Variants in LRP2 observed in about 807,000 individuals in gnomAD.
LRP2 encodes low-density lipoprotein receptor-related protein 2.
Under a neutral mutation model 531.0 loss-of-function variants are expected in LRP2, and 172 were observed. The ratio of observed to expected loss-of-function variants is 0.32; its 90% confidence interval spans 0.29 to 0.37. The LOEUF is 0.37. Among genes scored for constraint, LRP2 ranks in the 10% least tolerant of loss-of-function variants. LRP2 has a pLI of 1.00. For missense variants in LRP2, 5,167 were observed against 5,868.3 expected, an observed-to-expected ratio of 0.88 and a Z score of 3.90; for synonymous variants, 1,992 against 2,027.6, an observed-to-expected ratio of 0.98 and a Z score of 0.47.
In LRP2 at chr2:169,142,016, G is replaced by A. The variant is rs997614986; in HGVS notation, c.13108+658C>T. ...CCCCATCAGCTAAAACTGGGGGAAG[G>A]CCCCAAGGATGTGAGCCATAAAATG... On this transcript the variant is annotated intron_variant, in intron 71 of 78. Coordinates refer to ENST00000649046, the MANE Select transcript of LRP2 (RefSeq NM_004525.3). 3.9e-5 allele frequency among the ~76,000 whole-genome samples: 6 copies of A among 152,260 alleles called. 1 individual carries two copies. The Middle Eastern group carries it at 0.01, about 259-fold the overall frequency.
At chr2:169,302,253 CTAAG>C (rs1414921355) in intron 4 of LRP2, among the ~76,000 whole-genome samples, 1 of 152,136 alleles carries the variant, frequency 6.6e-6, no homozygotes, top group Non-Finnish European at 1.5e-5. Flanking sequence ...TTTAAAATAA[CTAAG>C]TACTGCTATG....
intron 17 of LRP2, among the ~76,000 whole-genome samples, chr2:169,257,863 A>G (rs1291440343): frequency 1.2e-4 from 18 of 151,794 alleles, no homozygotes; most frequent in Non-Finnish European, 1.6e-4. Context: ...AGAAAATAAA[A>G]AAACAACTTT....
intron 21 of LRP2, among the ~76,000 whole-genome samples, chr2:169,246,054 G>A (rs1242466034): frequency 1.3e-5 from 2 of 152,080 alleles, no homozygotes; most frequent in African/African-American, 4.8e-5. Flanking sequence ...AATTAGCTGG[G>A]TGTGGTGGCA....
rs755113602 is a variant in LRP2, at chr2:169,279,464, T to A, written c.1473A>T (p.Ile491=). The A allele has an allele frequency of 1.2e-6, 2 of 1,614,038 alleles. No individual in the cohort carries two copies. Among genetic ancestry groups the A allele is most frequent in the Non-Finnish European group, 1.7e-6 (2 of 1,179,928 alleles). ...IYLVETKVNR[I]DMVNLDGSYR... ...AGCTTCCATCCAAATTTACCATATC[T>A]ATGCGGTTGACCTTGGTTTCCACTA... The change falls in exon 12 of 79, where the codon ATA becomes ATT. Residue 491 remains isoleucine, a synonymous_variant. Coordinates refer to ENST00000649046, the MANE Select transcript of LRP2 (RefSeq NM_004525.3).
At position 169,162,615 on chromosome 2, in the gene LRP2, C is replaced by T. The variant is rs934845121; in HGVS notation, c.11759-15G>A. On this transcript the variant is annotated splice_polypyrimidine_tract_variant and intron_variant, in intron 62 of 78. Coordinates refer to ENST00000649046, the MANE Select transcript of LRP2 (RefSeq NM_004525.3). ...CGGTTTTCTACCTGCAATGTAAAAACAAGTTAAAATCAAAACTTTTTCTTT... is the reference window on the plus strand; with the variant it reads ...CGGTTTTCTACCTGCAATGTAAAAATAAGTTAAAATCAAAACTTTTTCTTT... 2.5e-6 allele frequency: 4 copies of T among 1,613,784 alleles called. No homozygotes were observed. The highest frequency in any genetic ancestry group is 3.4e-6 in the Non-Finnish European group (4 of 1,179,870).
intron 47 of LRP2, 146 bp downstream of exon 47, chr2:169,193,615 C>T (rs558145463): frequency 2.7e-4 from 265 of 996,692 alleles, no homozygotes; most frequent in Non-Finnish European, 3.4e-4. Flanking sequence ...CAAACACTCC[C>T]AGCATGGAGA....
In LRP2 at chr2:169,198,676, T is replaced by C. The variant is rs1037139321; in HGVS notation, c.8578+110A>G. On this transcript the variant is annotated intron_variant, in intron 45 of 78. Coordinates refer to ENST00000649046, the MANE Select transcript of LRP2 (RefSeq NM_004525.3). ...CTACCACCTCTACTTAGAAGGTCAATGTGAAATGACAATTGAAATCAGCCC... is the reference window on the plus strand; with the variant it reads ...CTACCACCTCTACTTAGAAGGTCAACGTGAAATGACAATTGAAATCAGCCC... 4 of 1,316,632 alleles carry C rather than the reference T, an allele frequency of 3.0e-6. No individual in the cohort carries two copies. In the African/African-American group the frequency reaches 4.4e-5, roughly 14 times the overall value. 81.6% of individuals were successfully genotyped at this position (1,316,632 alleles called of 1,614,324 possible).
At chr2:169,227,941 G>T (rs1221851195) in intron 31 of LRP2, among the ~76,000 whole-genome samples, 1 of 152,146 alleles carries the variant, frequency 6.6e-6, no homozygotes, top group Non-Finnish European at 1.5e-5. Flanking sequence ...AATAGGAGAT[G>T]GACCCTGGCT....
intron 63 of LRP2, 89 bp downstream of exon 63, chr2:169,162,383 G>A (rs1310016199): frequency 3.5e-6 from 5 of 1,446,594 alleles, no homozygotes; most frequent in South Asian, 1.1e-5. Context: ...AGGAGAAAAT[G>A]TGGTCAGTGT....
intron 54 of LRP2, 97 bp downstream of exon 54, chr2:169,176,314 T>A: frequency 7.0e-7 from 1 of 1,420,836 alleles, no homozygotes; most frequent in Admixed American, 1.8e-5. Flanking sequence ...AACCAAAATC[T>A]TGTCTCACTA....
intron 68 of LRP2, among the ~76,000 whole-genome samples, chr2:169,148,419 G>T (rs182574657): frequency 2.6e-3 from 391 of 152,276 alleles, no homozygotes; most frequent in African/African-American, 8.7e-3. Context: ...CCAGTGAATT[G>T]TACACTTTAA....
chr2:169,142,918 C>T lies in LRP2; in HGVS notation c.12989-125G>A, dbSNP rs73970133. 1.8e-3 allele frequency: 1,817 copies of T among 1,017,308 alleles called. 19 individuals are homozygous for T. The African/African-American group carries it at 0.025, about 14-fold the overall frequency. The allele number at this position is 1,017,308 out of a possible 1,614,324, so 63.0% of individuals were successfully genotyped here. A position where few individuals can be genotyped will look rare whatever the true frequency, so the allele number is the denominator to read the frequency against. On this transcript the variant is annotated intron_variant, in intron 70 of 78. Coordinates refer to ENST00000649046, the MANE Select transcript of LRP2 (RefSeq NM_004525.3). ...GCATCCTCTCAATACCTCTCGTCCA[C>T]GTGTCAGCTGGCCACTCACCCTCAT...
chr2:169,338,794 C>T (rs1005306398), intron 1 of LRP2, among the ~76,000 whole-genome samples: 5 of 152,158 alleles, frequency 3.3e-5, no homozygotes, highest in Admixed American at 2.0e-4. Flanking sequence ...GGGAAGAGCA[C>T]GCGAAGACTG....
intron 7 of LRP2, among the ~76,000 whole-genome samples, chr2:169,291,992 T>G (rs1187962779): frequency 6.6e-6 from 1 of 152,184 alleles, no homozygotes; most frequent in African/African-American, 2.4e-5. Flanking sequence ...AGACAGAGAC[T>G]GTCCTACCTA....
chr2:169,152,035 G>T (rs1367255089), intron 67 of LRP2, among the ~76,000 whole-genome samples: 3 of 152,076 alleles, frequency 2.0e-5, no homozygotes, highest in African/African-American at 4.8e-5. Context: ...TGCATTATTG[G>T]TTCATTTTCA....
At chr2:169,344,825 G>A (rs759086280) in intron 1 of LRP2, among the ~76,000 whole-genome samples, 4 of 152,132 alleles carry the variant, frequency 2.6e-5, no homozygotes, top group Non-Finnish European at 5.9e-5. Context: ...AGGAGCAAAG[G>A]TGTCCTTAAG....
At chr2:169,207,665 C>T (rs1688444235) in intron 38 of LRP2, among the ~76,000 whole-genome samples, 1 of 152,132 alleles carries the variant, frequency 6.6e-6, no homozygotes, top group African/African-American at 2.4e-5. Context: ...AGAGGGAGCA[C>T]CAGCAGCATC....
At chr2:169,306,725 A>C (rs1423003393) in intron 4 of LRP2, among the ~76,000 whole-genome samples, 1 of 152,156 alleles carries the variant, frequency 6.6e-6, no homozygotes, top group Non-Finnish European at 1.5e-5. Flanking sequence ...CCATGATTGC[A>C]CTTTCTTATT....
At chr2:169,196,865 T>G in intron 46 of LRP2, 46 bp downstream of exon 46, 1 of 1,612,978 alleles carries the variant, frequency 6.2e-7, no homozygotes, top group Non-Finnish European at 8.5e-7. Context: ...AGACTGAAGT[T>G]GTCTAGCTGC....
Sources: allele counts gnomAD v4.1 joint callset (sites outside exome capture counted in the v4.1 genomes callset), GRCh38; gene constraint gnomAD v4.1.1; transcripts MANE v1.5; gene names NCBI Gene and HGNC (gene_info 2026-07-23, HGNC 2026-07-21).